SLC45A4: variants seen among roughly 807,000 people sequenced by gnomAD.
SLC45A4 encodes the protein solute carrier family 45 member 4, also known as polyamine-transporter SLC45A4.
A neutral mutation model predicts 63.7 loss-of-function variants in SLC45A4; 32 were observed. The ratio of observed to expected loss-of-function variants is 0.50; its 90% CI spans 0.38 to 0.67. The LOEUF (loss-of-function observed/expected upper bound fraction) is 0.67, where lower values mean the gene tolerates loss of function less well. Ranked by LOEUF, SLC45A4 falls within the 30% of genes least tolerant of loss-of-function variation. The probability of loss-of-function intolerance (pLI) is 0.00; values close to 1 mark genes in which losing one functional copy is unlikely to be tolerated. For missense variants in SLC45A4, 1,027 were observed against 1,157.7 expected (o/e 0.89, Z 1.64); for synonymous variants, 535 against 510.0 (o/e 1.05, Z -0.66).
At chr8:141,265,180 A>C (rs1236107264) in intron 1 of SLC45A4, among the ~76,000 whole-genome samples, 3 of 152,244 alleles carry the variant, frequency 2.0e-5, no homozygotes, top group Non-Finnish European at 4.4e-5. Flanking sequence ...CCCGAGAGAC[A>C]ACAGTGGACA....
At position 141,251,447 on chromosome 8, in the gene SLC45A4, C is replaced by G. The variant is rs1828460411; in HGVS notation, c.241+2542G>C. On this transcript the variant is annotated intron_variant, in intron 2 of 8. Coordinates refer to ENST00000517878, the MANE Select transcript of SLC45A4 (RefSeq NM_001286646.2). ...GTCACTTTCTTTCTCGAAGCGCCCC[C>G]CCTGCCACAGAGCTAAGCCCCCTGG... 2.0e-5 allele frequency among the ~76,000 whole-genome samples: 3 copies of G among 151,954 alleles called. No homozygotes were observed. The South Asian group carries it at 6.2e-4, about 32-fold the overall frequency.
chr8:141,223,047 T>C (rs534671268), intron 2 of SLC45A4, among the ~76,000 whole-genome samples: 86 of 152,278 alleles, frequency 5.6e-4, no homozygotes, highest in African/African-American at 1.9e-3. Context: ...CCAAAAGCCA[T>C]TGAGAATATT....
intron 1 of SLC45A4, among the ~76,000 whole-genome samples, chr8:141,283,429 C>T (rs537821565): frequency 2.0e-5 from 3 of 152,368 alleles, no homozygotes; most frequent in Admixed American, 2.0e-4. Flanking sequence ...CAGTGCAGTG[C>T]ACCCTGGGAC....
intron 2 of SLC45A4, chr8:141,230,496 C>T (rs904630669): frequency 1.5e-4 from 28 of 185,534 alleles, no homozygotes; most frequent in Admixed American, 1.2e-3. Context: ...ACAGCAGCTC[C>T]GGTGGCCACG....
At chr8:141,240,049 G>T (rs931080098) in intron 2 of SLC45A4, among the ~76,000 whole-genome samples, 2 of 152,178 alleles carry the variant, frequency 1.3e-5, no homozygotes, top group African/African-American at 4.8e-5. Flanking sequence ...TAGGAATCTC[G>T]ATTCACACGA....
rs1236732661 is a variant in SLC45A4 at position 141,254,141 on chromosome 8, C to T, written c.89G>A (p.Gly30Asp). Residue 30 changes from glycine (G) to aspartate (D), a missense_variant, in exon 2 of 9, where the codon GGC (glycine) becomes GAC (aspartate). By Grantham distance (94) the Gly-to-Asp change is moderately conservative. Coordinates refer to ENST00000517878, the MANE Select transcript of SLC45A4 (RefSeq NM_001286646.2). The surrounding 1 kb of genome is among the most constrained non-coding windows in gnomAD (Gnocchi z 4.5). ...GGTCTCGCAGTTCTCGGCCTCTGCG[C>T]CTCCGGCTTTCTGCGGGTCCGGCAG... ...VPLPDPQKAGGAEAENCETIS... is the reference protein window; with the variant it reads ...VPLPDPQKAGDAEAENCETIS... The T allele has an allele frequency of 6.5e-7, 1 of 1,536,200 alleles. No homozygotes were observed. Among genetic ancestry groups the T allele is most frequent in the South Asian group, 1.2e-5 (1 of 84,066 alleles).
chr8:141,228,724 G>A, intron 2 of SLC45A4: 1 of 682,200 alleles, frequency 1.5e-6, no homozygotes, highest in Non-Finnish European at 1.8e-6. Context: ...ACAAAATGCA[G>A]GTCAGGCCAT....
At chr8:141,289,309 A>G (rs1830266901) in intron 1 of SLC45A4, among the ~76,000 whole-genome samples, 1 of 152,208 alleles carries the variant, frequency 6.6e-6, no homozygotes, top group Non-Finnish European at 1.5e-5. Context: ...AGTGAAAGAC[A>G]TTAAATCCTA....
intron 1 of SLC45A4, among the ~76,000 whole-genome samples, chr8:141,272,446 A>ACC (rs1450987263): frequency 6.6e-6 from 1 of 152,198 alleles, no homozygotes; most frequent in Non-Finnish European, 1.5e-5. Context: ...TGCCCAGGCT[A>ACC]CCACGGGAGG....
chr8:141,246,136 C>T (rs564512841), intron 2 of SLC45A4, among the ~76,000 whole-genome samples: 10 of 152,324 alleles, frequency 6.6e-5, no homozygotes, highest in East Asian at 3.9e-4. Flanking sequence ...GTAGTACCTT[C>T]GTACCCCTTC....
intron 8 of SLC45A4, 76 bp downstream of exon 8, chr8:141,212,121 C>T: frequency 1.4e-6 from 2 of 1,435,392 alleles, no homozygotes; most frequent in Non-Finnish European, 9.1e-7. Context: ...TGCTCCCGCC[C>T]ATGGCCTGGC....
intron 2 of SLC45A4, 130 bp from the exon 3 acceptor site, chr8:141,221,895 G>A: frequency 1.1e-6 from 1 of 936,780 alleles, no homozygotes; most frequent in Non-Finnish European, 1.6e-6. Context: ...TGCTCAGGTT[G>A]TCTCCACGGG....
chr8:141,263,271 G>A (rs1448067428), intron 1 of SLC45A4, among the ~76,000 whole-genome samples: 4 of 151,620 alleles, frequency 2.6e-5, no homozygotes, highest in Admixed American at 2.0e-4. Flanking sequence ...GTTAAATGAC[G>A]AGTTAATGGG....
At chr8:141,266,053 G>A (rs957592800) in intron 1 of SLC45A4, among the ~76,000 whole-genome samples, 2 of 152,180 alleles carry the variant, frequency 1.3e-5, no homozygotes, top group Non-Finnish European at 2.9e-5. Flanking sequence ...AAGGTAACTG[G>A]AGAGTTGCTG....
At chr8:141,258,082 T>A (rs868846890) in intron 1 of SLC45A4, among the ~76,000 whole-genome samples, 166 of 114,514 alleles carry the variant, frequency 1.4e-3, no homozygotes, top group Middle Eastern at 4.7e-3. Context: ...TTTTTTTTTT[T>A]AACAATCCTT....
intron 1 of SLC45A4, among the ~76,000 whole-genome samples, 165 bp downstream of exon 1, chr8:141,307,930 CG>C (rs1185420118): frequency 6.7e-6 from 1 of 149,254 alleles, no homozygotes; most frequent in Non-Finnish European, 1.5e-5. Flanking sequence ...GGTGGGGGCA[CG>C]TCCCCTCCCC....
At position 141,218,665 on chromosome 8, in the gene SLC45A4, C is replaced by T. The variant is rs779337518; in HGVS notation, c.975G>A (p.Leu325=). 3.1e-6 allele frequency: 5 copies of T among 1,613,370 alleles called. No homozygotes were observed. In the South Asian group the frequency reaches 3.3e-5, roughly 11 times the overall value. The change falls in exon 5 of 9, where the codon CTG becomes CTA. Residue 325 remains leucine, a synonymous_variant. Transcript: ENST00000517878. ...DTALDLEPEL[L]FLHDIEPSIF... is the part of the protein sequence containing the mutation. The stretch of plus-strand genomic sequence containing the variant: ...TGGAGGGCTCGATGTCGTGCAGGAA[C>T]AGCAGCTCGGGCTCCAGGTCCAGCG...
rs193084585 is a variant in SLC45A4 at position 141,289,172 on chromosome 8, G to A, written c.-401+18924C>T. Among the ~76,000 whole-genome samples, 198 of 152,332 alleles carry A rather than the reference G, an allele frequency of 1.3e-3. 1 individual carries two copies. Among genetic ancestry groups the A allele is most frequent in the South Asian group, 2.9e-3 (14 of 4,824 alleles). On this transcript the variant is annotated intron_variant, in intron 1 of 8. Coordinates refer to ENST00000517878, the MANE Select transcript of SLC45A4 (RefSeq NM_001286646.2). ...GGGAACAGTGGGCACAGAGGCCAGG[G>A]CGAGAGCAGAAGGGGCAGAGGCGGG...
intron 1 of SLC45A4, among the ~76,000 whole-genome samples, chr8:141,273,954 G>A (rs749657435): frequency 1.3e-5 from 2 of 152,232 alleles, no homozygotes; most frequent in Non-Finnish European, 2.9e-5. Flanking sequence ...TTTGGGCCAG[G>A]CGTGGTGGCT....
Sources: allele counts gnomAD v4.1 joint callset (sites outside exome capture counted in the v4.1 genomes callset), GRCh38; gene constraint gnomAD v4.1.1; non-coding constraint Gnocchi (gnomAD v3.1); transcripts MANE v1.5; gene names NCBI Gene and HGNC (gene_info 2026-07-23, HGNC 2026-07-21).